Variants in PRKN observed in about 807,000 individuals in gnomAD.
PRKN encodes parkin RBR E3 ubiquitin protein ligase.
Under a neutral mutation model 59.5 loss-of-function variants are expected in PRKN, and 56 were observed. That is an observed-to-expected ratio of 0.94 (90% CI 0.76 to 1.18). The LOEUF (loss-of-function observed/expected upper bound fraction) is 1.18, where lower values mean the gene tolerates loss of function less well. Among genes scored for constraint, PRKN ranks in the 50% most tolerant of loss-of-function variants. The pLI is 0.00. For missense variants in PRKN, 657 were observed against 596.4 expected (o/e 1.10, Z -1.06); for synonymous variants, 250 against 222.1 (o/e 1.13, Z -1.12).
At chr6:162,394,791 A>T (rs1025893019) in intron 2 of PRKN, among the ~76,000 whole-genome samples, 1 of 152,248 alleles carries the variant, frequency 6.6e-6, no homozygotes, top group African/African-American at 2.4e-5. Context: ...CTCATCACTT[A>T]AGTGAATAGA....
chr6:162,611,399 A>C (rs550404952), intron 1 of PRKN, among the ~76,000 whole-genome samples: 1 of 152,354 alleles, frequency 6.6e-6, no homozygotes, highest in South Asian at 2.1e-4. Flanking sequence ...TCGAAAAACA[A>C]CATACAACTA....
At chr6:162,725,186 G>A (rs551819398) in intron 1 of PRKN, among the ~76,000 whole-genome samples, 3 of 152,252 alleles carry the variant, frequency 2.0e-5, no homozygotes, top group African/African-American at 2.4e-5. Context: ...CCCGAATCCC[G>A]CAACAAGGTG....
intron 6 of PRKN, among the ~76,000 whole-genome samples, chr6:161,878,217 T>C (rs1794807341): frequency 6.6e-6 from 1 of 152,146 alleles, no homozygotes; most frequent in African/African-American, 2.4e-5. Flanking sequence ...ATGTCAAAAG[T>C]AGAAAGAAAT....
intron 7 of PRKN, among the ~76,000 whole-genome samples, chr6:161,738,689 C>T (rs1306289678): frequency 6.6e-6 from 1 of 152,134 alleles, no homozygotes; most frequent in Non-Finnish European, 1.5e-5. Flanking sequence ...CCCCGAAACC[C>T]TGGGTGCAGT....
intron 1 of PRKN, among the ~76,000 whole-genome samples, chr6:162,683,790 G>T (rs1029297992): frequency 6.6e-6 from 1 of 152,002 alleles, no homozygotes; most frequent in Admixed American, 6.6e-5. Flanking sequence ...GACAACTTTG[G>T]AAATAATACT....
chr6:161,713,154 A>G (rs892382944), intron 7 of PRKN, among the ~76,000 whole-genome samples: 1 of 152,148 alleles, frequency 6.6e-6, no homozygotes, highest in African/African-American at 2.4e-5. Context: ...ACTTATATTT[A>G]TTGGTTTATT....
chr6:162,154,715 G>A, intron 4 of PRKN, among the ~76,000 whole-genome samples: 1 of 151,982 alleles, frequency 6.6e-6, no homozygotes. Context: ...TGTTATTTAA[G>A]CATCAGAAAG....
intron 3 of PRKN, among the ~76,000 whole-genome samples, chr6:162,227,897 C>G (rs1227058706): frequency 6.9e-6 from 1 of 143,924 alleles, no homozygotes; most frequent in Non-Finnish European, 1.5e-5. Flanking sequence ...AAAAGATGGA[C>G]AAAGGATGTT....
chr6:162,245,669 T>A (rs994072139), intron 3 of PRKN, among the ~76,000 whole-genome samples: 2 of 152,142 alleles, frequency 1.3e-5, no homozygotes, highest in Non-Finnish European at 2.9e-5. Flanking sequence ...GTCAGACAGA[T>A]CTTGAAATCT....
intron 4 of PRKN, among the ~76,000 whole-genome samples, chr6:162,089,720 G>A (rs1429482370): frequency 1.3e-5 from 2 of 152,162 alleles, no homozygotes; most frequent in Admixed American, 1.3e-4. Flanking sequence ...AAAGGAATGA[G>A]GTACCACAAG....
In PRKN at chr6:162,443,350, A is replaced by G; in HGVS notation, c.131T>C (p.Ile44Thr). 6.2e-7 allele frequency: 1 copy of G among 1,613,218 alleles called. No homozygotes were observed. ...QGVPADQLRV[I>T]FAGKELRNDW... The stretch of plus-strand genomic sequence containing the variant: ...ATTCCTCAGCTCCTTCCCTGCGAAA[A>G]TCACACGCAACTGGTCAGCCGGAAC... Residue 44 changes from isoleucine (I) to threonine (T), a missense_variant, in exon 2 of 12, where the codon ATT becomes ACT. By Grantham distance (89) the Ile-to-Thr change is moderately conservative (BLOSUM62 -1). Transcript: ENST00000366898.
In PRKN at chr6:161,530,187, A is replaced by G. The variant is rs895563533; in HGVS notation, c.1083+18667T>C. Among the ~76,000 whole-genome samples the G allele has an allele frequency of 5.9e-5, 9 of 152,192 alleles. No individual in the cohort carries two copies. Among genetic ancestry groups the G allele is most frequent in the African/African-American group, 1.9e-4 (8 of 41,446 alleles). ...GGTGTTCCTGGACAGCACAGGAAAG[A>G]GAACAAAGAGAACAAAAACTACTTG... On this transcript the variant is annotated intron_variant, in intron 9 of 11. Transcript: ENST00000366898. This position sits in a 1 kb window ranked among gnomAD's most constrained non-coding sequence, Gnocchi z 5.0.
chr6:161,944,932 T>A (rs933816704), intron 6 of PRKN, among the ~76,000 whole-genome samples: 1 of 152,170 alleles, frequency 6.6e-6, no homozygotes, highest in African/African-American at 2.4e-5. Flanking sequence ...AAACTAGCTA[T>A]TTGCATTTTT....
intron 9 of PRKN, among the ~76,000 whole-genome samples, chr6:161,469,382 T>C (rs1018977639): frequency 6.6e-6 from 1 of 152,158 alleles, no homozygotes; most frequent in Non-Finnish European, 1.5e-5. Flanking sequence ...TGTGAGTCAA[T>C]TAAACCTCTT....
chr6:162,707,578 T>C (rs1778381913), intron 1 of PRKN, among the ~76,000 whole-genome samples: 1 of 29,552 alleles, frequency 3.4e-5, no homozygotes, highest in Admixed American at 4.7e-4. Context: ...GCATCACTAT[T>C]TTTTTTTTTT....
chr6:161,733,959 TACACACACACAC>T (rs10597403), intron 7 of PRKN, among the ~76,000 whole-genome samples: 3,888 of 133,594 alleles, frequency 0.029, 109 homozygotes, highest in African/African-American at 0.065. Flanking sequence ...AAAATTCATT[TACACACACACAC>T]ACACACACAC....
At chr6:161,659,378 T>C (rs1359891797) in intron 7 of PRKN, among the ~76,000 whole-genome samples, 2 of 151,864 alleles carry the variant, frequency 1.3e-5, no homozygotes, top group Non-Finnish European at 2.9e-5. Flanking sequence ...TAAAAATGCA[T>C]GATATGTTGA....
intron 7 of PRKN, among the ~76,000 whole-genome samples, chr6:161,585,005 A>G (rs1217579184): frequency 1.3e-5 from 2 of 152,224 alleles, no homozygotes; most frequent in Non-Finnish European, 2.9e-5. Flanking sequence ...CCCAATTTGT[A>G]TTTGGAGAAA....
chr6:161,683,174 G>A (rs1785433867), intron 7 of PRKN, among the ~76,000 whole-genome samples: 1 of 152,144 alleles, frequency 6.6e-6, no homozygotes, highest in East Asian at 1.9e-4. Context: ...GGAGGCAGAA[G>A]GGAAGGAAGA....
Sources: gnomAD v4.1 joint callset for allele counts (sites outside exome capture counted in the v4.1 genomes callset) on GRCh38, gnomAD v4.1.1 for gene constraint, Gnocchi (gnomAD v3.1) non-coding constraint, MANE v1.5 for transcripts, NCBI Gene and HGNC (gene_info 2026-07-23, HGNC 2026-07-21) for gene names.